Variants in ANKRD36 observed in about 807,000 individuals in gnomAD.
ANKRD36 encodes the protein ankyrin repeat domain-containing protein 36A.
Under a neutral mutation model 278.1 loss-of-function variants are expected in ANKRD36, and 179 were observed. The observed-to-expected ratio is 0.64, with a 90% CI of 0.57 to 0.73. The LOEUF is 0.73. Ranked by LOEUF, ANKRD36 falls within the 30% of genes least tolerant of loss-of-function variation. The probability of loss-of-function intolerance (pLI) is 0.00; values close to 1 mark genes in which losing one functional copy is unlikely to be tolerated. For synonymous variants in ANKRD36, 320 were observed against 641.1 expected (o/e 0.50, Z 7.57); for missense variants, 1,159 against 1,956.7 (o/e 0.59, Z 7.69).
chr2:97,157,662 T>C (rs1024217227), intron 15 of ANKRD36, among the ~76,000 whole-genome samples: 48 of 144,806 alleles, frequency 3.3e-4, no homozygotes, highest in African/African-American at 9.7e-4. Flanking sequence ...TGTTTAAAGA[T>C]AGTACTACTA....
intron 54 of ANKRD36, 49 bp downstream of exon 54, chr2:97,208,055 A>G: frequency 1.4e-6 from 2 of 1,453,632 alleles, no homozygotes; most frequent in Non-Finnish European, 1.9e-6. Context: ...GATAGATAAG[A>G]AGTTCTCTTC....
intron 11 of ANKRD36, among the ~76,000 whole-genome samples, chr2:97,147,427 A>AAATTTCAG (rs2044561899): frequency 4.0e-5 from 6 of 148,364 alleles, no homozygotes. Context: ...GAGGTGCATA[A>AAATTTCAG]AATTTCAGAA....
intron 4 of ANKRD36, among the ~76,000 whole-genome samples, chr2:97,124,081 G>C (rs1164380559): frequency 6.6e-6 from 1 of 151,056 alleles, no homozygotes; most frequent in Non-Finnish European, 1.5e-5. Flanking sequence ...CCTGCAGATA[G>C]CTCTTATCTG....
At chr2:97,151,640 T>C (rs899456392) in intron 12 of ANKRD36, among the ~76,000 whole-genome samples, 5 of 152,308 alleles carry the variant, frequency 3.3e-5, no homozygotes, top group Non-Finnish European at 7.3e-5. Flanking sequence ...ATCATAGTAT[T>C]TGTATAATAA....
intron 67 of ANKRD36, among the ~76,000 whole-genome samples, chr2:97,227,546 A>G (rs2070277728): frequency 2.0e-5 from 3 of 152,112 alleles, no homozygotes; most frequent in Non-Finnish European, 4.4e-5. Flanking sequence ...GGGGTTTTCT[A>G]GATATACAAT....
chr2:97,200,430 A>G (rs946447789), intron 45 of ANKRD36, 23 bp from the exon 46 acceptor site: 2 of 1,599,300 alleles, frequency 1.3e-6, no homozygotes, highest in South Asian at 2.2e-5. Context: ...CTTATTTATT[A>G]CTTTGTTTCA....
rs1356214152 is a variant in ANKRD36 at position 97,122,892 on chromosome 2, A to G, written c.492A>G (p.Glu164=). ...TTGTTGCTGTTATTTTACAGTGTGA[A>G]TATCAGCCACTGTTATTTGCTGTGA... ...GTNIEECSKC[E]YQPLLFAVSR... The change falls in exon 4 of 76, where the codon GAA becomes GAG. Residue 164 remains glutamate (E), a synonymous_variant. Coordinates refer to ENST00000420699, the MANE Select transcript of ANKRD36 (RefSeq NM_001354587.1). The G allele has an allele frequency of 1.3e-6, 2 of 1,539,858 alleles. No homozygotes were observed. Among genetic ancestry groups the G allele is most frequent in the Admixed American group, 2.0e-5 (1 of 49,134 alleles).
chr2:97,215,956 G>A (rs1420697892), intron 62 of ANKRD36: 1 of 316,028 alleles, frequency 3.2e-6, no homozygotes, highest in Non-Finnish European at 5.5e-6. Context: ...GCAAGGAAGA[G>A]GGATTGTGAG....
At chr2:97,178,832 A>G (rs1338201358) in intron 22 of ANKRD36, among the ~76,000 whole-genome samples, 3 of 151,792 alleles carry the variant, frequency 2.0e-5, no homozygotes, top group Non-Finnish European at 4.4e-5. Context: ...GTATAATAAA[A>G]AAAAGCAACT....
In ANKRD36 at chr2:97,209,822, C is replaced by T. The variant is rs1282602201; in HGVS notation, c.3317C>T (p.Ser1106Phe). 6.3e-7 allele frequency: 1 copy of T among 1,598,706 alleles called. No individual in the cohort carries two copies. Among genetic ancestry groups the T allele is most frequent in the African/African-American group, 1.4e-5 (1 of 73,936 alleles). Residue 1106 changes from serine to phenylalanine, a missense_variant, in exon 56 of 76, where the codon TCT (serine) becomes TTT (phenylalanine). Ser to Phe is a radical substitution (Grantham distance 155). Transcript: ENST00000420699. ...ALKATSDEKDSVLYIAREKKD... is the reference protein window; with the variant it reads ...ALKATSDEKDFVLYIAREKKD... ...CAGGCTACAAGTGACGAGAAAGATT[C>T]TGTTTTGTATATAGCCAGAGAAAAA...
intron 58 of ANKRD36, 94 bp downstream of exon 58, chr2:97,211,835 C>A (rs1208974592): frequency 2.2e-6 from 3 of 1,376,238 alleles, no homozygotes; most frequent in African/African-American, 1.5e-5. Flanking sequence ...GTCAAGCCTT[C>A]ATGTTCTGCT....
chr2:97,137,719 A>G (rs2041901389), intron 6 of ANKRD36, among the ~76,000 whole-genome samples: 1 of 152,074 alleles, frequency 6.6e-6, no homozygotes, highest in Admixed American at 6.6e-5. Flanking sequence ...TGACACTTCC[A>G]CCAACAGTGT....
intron 36 of ANKRD36, among the ~76,000 whole-genome samples, chr2:97,191,951 A>T (rs1284215783): frequency 1.3e-5 from 2 of 151,712 alleles, no homozygotes; most frequent in Non-Finnish European, 2.9e-5. Flanking sequence ...TACCTCTTGG[A>T]TAAAATAGCT....
At chr2:97,193,285 A>T (rs995343537) in intron 38 of ANKRD36, among the ~76,000 whole-genome samples, 3 of 140,310 alleles carry the variant, frequency 2.1e-5, no homozygotes, top group African/African-American at 7.7e-5. Flanking sequence ...AGAAATATGG[A>T]GAGCAGTTCA....
intron 6 of ANKRD36, among the ~76,000 whole-genome samples, chr2:97,138,924 A>G (rs1189138450): frequency 6.6e-6 from 1 of 152,050 alleles, no homozygotes; most frequent in Non-Finnish European, 1.5e-5. Context: ...TTATACAAAA[A>G]TTAACTCGAT....
intron 6 of ANKRD36, among the ~76,000 whole-genome samples, chr2:97,131,832 T>C (rs1344194427): frequency 6.6e-6 from 1 of 151,882 alleles, no homozygotes; most frequent in Non-Finnish European, 1.5e-5. Context: ...TTTTTATTAA[T>C]AGATTTTTTT....
chr2:97,205,076 T>C lies in ANKRD36; in HGVS notation c.3061+813T>C, dbSNP rs60488333. Reference sequence around the variant, plus strand: ...AACTTCTTTAGAAAATAACATGATATTGCCAACAAGGGTATTTTAGAAACA... The same window carrying C: ...AACTTCTTTAGAAAATAACATGATACTGCCAACAAGGGTATTTTAGAAACA... On this transcript the variant is annotated intron_variant, in intron 50 of 75. Transcript: ENST00000420699. 5.5e-3 allele frequency among the ~76,000 whole-genome samples: 760 copies of C among 137,828 alleles called. 10 individuals are homozygous for C. Among genetic ancestry groups the C allele is most frequent in the African/African-American group, 0.017 (666 of 39,380 alleles). The allele number at this position is 137,828 out of a possible 152,430, so 90.4% of individuals were successfully genotyped here. A position where few individuals can be genotyped will look rare whatever the true frequency, so the allele number is the denominator to read the frequency against.
chr2:97,117,047 C>CTTTT (rs58474116), intron 1 of ANKRD36, among the ~76,000 whole-genome samples: 2 of 143,548 alleles, frequency 1.4e-5, no homozygotes, highest in African/African-American at 5.2e-5. Context: ...TCTTTTATTC[C>CTTTT]TTTTTTTTTT....
chr2:97,144,194 T>C (rs535004460), intron 8 of ANKRD36, among the ~76,000 whole-genome samples: 4 of 152,200 alleles, frequency 2.6e-5, no homozygotes, highest in East Asian at 1.9e-4. Context: ...CCCAAGTGTA[T>C]GAGTCACTGC....
Sources: allele counts gnomAD v4.1 joint callset (sites outside exome capture counted in the v4.1 genomes callset), GRCh38; gene constraint gnomAD v4.1.1; transcripts MANE v1.5; gene names NCBI Gene and HGNC (gene_info 2026-07-23, HGNC 2026-07-21).